FBF1: variants seen among roughly 807,000 people sequenced by gnomAD.
The protein encoded by FBF1 is Fas binding factor 1.
FBF1 carries 119 observed loss-of-function variants against 147.2 expected under a neutral mutation model. The ratio of observed to expected loss-of-function variants is 0.81; its 90% confidence interval spans 0.70 to 0.94. The LOEUF (loss-of-function observed/expected upper bound fraction) is 0.94, where lower values mean the gene tolerates loss of function less well. Among genes scored for constraint, FBF1 ranks in the 40% least tolerant of loss-of-function variants. The pLI is 0.00. For missense variants in FBF1, 1,449 were observed against 1,500.8 expected (o/e 0.97, Z 0.57); for synonymous variants, 601 against 609.0 (o/e 0.99, Z 0.19).
At position 75,915,058 on chromosome 17, in the gene FBF1, G is replaced by C. The variant is rs2065480290; in HGVS notation, c.2587C>G (p.Gln863Glu). ...ALEEQRKVTA[Q>E]QMAMERAELE... is the part of the protein sequence containing the mutation. The stretch of plus-strand genomic sequence containing the variant: ...TCCGCCCTTTCCATGGCCATCTGCT[G>C]GGCCGTGACCTTCCTTTGCTCCTCT... Residue 863 changes from glutamine (Q) to glutamate (E), a missense_variant, in exon 24 of 30, where the codon CAG (glutamine) becomes GAG (glutamate). Transcript: ENST00000636174. 1 of 1,613,424 alleles carries C rather than the reference G, an allele frequency of 6.2e-7. No homozygotes were observed. The highest frequency in any genetic ancestry group is 1.3e-5 in the African/African-American group (1 of 74,924).
At chr17:75,935,776 G>A in intron 3 of FBF1, 103 bp from the exon 4 acceptor site, 1 of 1,100,316 alleles carries the variant, frequency 9.1e-7, no homozygotes, top group Non-Finnish European at 1.3e-6. Context: ...CCTTTCAGAT[G>A]TTGGGACTTA....
At chr17:75,915,181 T>C (rs768611875) in intron 23 of FBF1, 42 bp from the exon 24 acceptor site, 2 of 1,581,830 alleles carry the variant, frequency 1.3e-6, no homozygotes, top group Non-Finnish European at 1.7e-6. Flanking sequence ...GTTCCCGCCC[T>C]GAGGATCACG....
At chr17:75,929,953 C>A in intron 7 of FBF1, 44 bp downstream of exon 7, 1 of 761,928 alleles carries the variant, frequency 1.3e-6, no homozygotes, top group South Asian at 1.5e-5. Flanking sequence ...TGACCCCACC[C>A]CACCCACCCC....
Position 75,937,069 on chromosome 17 carries a change from A to G in FBF1, c.31+497T>C, listed in dbSNP as rs186765170. Among the ~76,000 whole-genome samples, 240 of 152,282 alleles carry G rather than the reference A, an allele frequency of 1.6e-3. No individual in the cohort carries two copies. In the Middle Eastern group the frequency reaches 0.034, roughly 22 times the overall value. ...GGAGGAGGATTTTTTCCAAAACCTCATATCTTATTTACGTCTGAACTTCTC... is the reference window on the plus strand; with the variant it reads ...GGAGGAGGATTTTTTCCAAAACCTCGTATCTTATTTACGTCTGAACTTCTC... On this transcript the variant is annotated intron_variant, in intron 3 of 29. Transcript: ENST00000636174.
Position 75,926,341 on chromosome 17 carries a change from G to A in FBF1, c.681C>T (p.Ala227=), listed in dbSNP as rs2065561687. 1 of 1,613,080 alleles carries A rather than the reference G, an allele frequency of 6.2e-7. No individual in the cohort carries two copies. The highest frequency in any genetic ancestry group is 8.5e-7 in the Non-Finnish European group (1 of 1,179,564). Residue 227 remains alanine, a synonymous_variant, in exon 11 of 30, where the codon GCC becomes GCT. Coordinates refer to ENST00000636174, the MANE Select transcript of FBF1 (RefSeq NM_001319193.2). The part of the protein sequence containing the change: ...LLFDDGDDIM[A]TLGFGDSPKA... ...TGGGGCTGTCTCCAAACCCCAAGGTGGCCATGATGTCATCCCCATCATCAA... is the reference window on the plus strand; with the variant it reads ...TGGGGCTGTCTCCAAACCCCAAGGTAGCCATGATGTCATCCCCATCATCAA...
intron 6 of FBF1, 130 bp from the exon 7 acceptor site, chr17:75,930,177 A>T (rs1290862155): frequency 2.9e-6 from 2 of 688,206 alleles, no homozygotes; most frequent in Non-Finnish European, 5.1e-6. Flanking sequence ...TGGCCAATGG[A>T]GCTTACACAG....
chr17:75,931,360 G>C, intron 5 of FBF1, 71 bp from the exon 6 acceptor site: 1 of 1,387,190 alleles, frequency 7.2e-7, no homozygotes. Context: ...GGGAGGAGTA[G>C]CTTAGAAAGC....
In FBF1 at chr17:75,938,177, T is replaced by A; in HGVS notation, c.-28A>T. On this transcript the variant is annotated 5_prime_UTR_variant, in exon 2 of 30. Coordinates refer to ENST00000636174, the MANE Select transcript of FBF1 (RefSeq NM_001319193.2). ...CACGGCTCTCGGGGGTGCTCTCAGCTCCTTCACAGCACTGGCCAGCTCATC... is the reference window on the plus strand; with the variant it reads ...CACGGCTCTCGGGGGTGCTCTCAGCACCTTCACAGCACTGGCCAGCTCATC... 6.2e-7 allele frequency: 1 copy of A among 1,613,246 alleles called. No individual in the cohort carries two copies. The highest frequency in any genetic ancestry group is 8.5e-7 in the Non-Finnish European group (1 of 1,179,706).
chr17:75,929,952 C>A, intron 7 of FBF1, 45 bp downstream of exon 7: 2 of 661,166 alleles, frequency 3.0e-6, no homozygotes, highest in Middle Eastern at 3.3e-4. Flanking sequence ...ATGACCCCAC[C>A]CCACCCACCC....
chr17:75,917,496 C>T (rs975056391), intron 23 of FBF1, among the ~76,000 whole-genome samples: 2 of 143,590 alleles, frequency 1.4e-5, no homozygotes, highest in Non-Finnish European at 3.0e-5. Context: ...GAGGGGCTTG[C>T]GGTGCTGAGG....
chr17:75,917,873 T>C (rs997751290), intron 22 of FBF1, 23 bp from the exon 23 acceptor site: 3 of 1,521,358 alleles, frequency 2.0e-6, no homozygotes, highest in African/African-American at 2.0e-5. Context: ...CACAGGGTGC[T>C]CAGCAGCTGC....
At chr17:75,938,857 T>TC (rs1486956265) in intron 1 of FBF1, among the ~76,000 whole-genome samples, 7 of 136,992 alleles carry the variant, frequency 5.1e-5, no homozygotes, top group Non-Finnish European at 1.1e-4. Flanking sequence ...AGAGCAAGAC[T>TC]CCATCTCAAA....
At chr17:75,921,065 G>T (rs948711956) in intron 17 of FBF1, among the ~76,000 whole-genome samples, 179 bp downstream of exon 17, 3 of 152,226 alleles carry the variant, frequency 2.0e-5, no homozygotes, top group Admixed American at 6.5e-5. Context: ...CAGGAGCAGC[G>T]AGGCTAGAAA....
At chr17:75,932,381 A>G (rs949707074) in intron 5 of FBF1, among the ~76,000 whole-genome samples, 37 of 152,120 alleles carry the variant, frequency 2.4e-4, no homozygotes, top group Non-Finnish European at 4.7e-4. Context: ...TCTCAAAAAA[A>G]GAGAGAAAAT....
chr17:75,919,759 G>C lies in FBF1; in HGVS notation c.2047C>G (p.Arg683Gly), dbSNP rs368811864. ...LSQCQEAEQA[R>G]AELTAQHQRR... Reference sequence around the variant, plus strand: ...TGGTGCTGGGCCGTAAGCTCAGCACGGGCCTGTTCGGCCTCCTGGCACTGC... The same window carrying C: ...TGGTGCTGGGCCGTAAGCTCAGCACCGGCCTGTTCGGCCTCCTGGCACTGC... The change falls in exon 20 of 30, where the codon CGT (arginine) becomes GGT (glycine). Residue 683 changes from arginine to glycine, a missense_variant. Arg to Gly is a moderately radical substitution (Grantham distance 125). Coordinates refer to ENST00000636174, the MANE Select transcript of FBF1 (RefSeq NM_001319193.2). The surrounding 1 kb of genome is among the most constrained non-coding windows in gnomAD (Gnocchi z 5.0). The C allele has an allele frequency of 3.1e-6, 5 of 1,613,374 alleles. No homozygotes were observed. Among genetic ancestry groups the C allele is most frequent in the East Asian group, 2.2e-5 (1 of 44,890 alleles).
In FBF1 at chr17:75,915,045, A is replaced by C; in HGVS notation, c.2600T>G (p.Met867Arg). 1.9e-6 allele frequency: 3 copies of C among 1,613,488 alleles called. No homozygotes were observed. Among genetic ancestry groups the C allele is most frequent in the Non-Finnish European group, 1.7e-6 (2 of 1,179,852 alleles). The change falls in exon 24 of 30, where the codon ATG (methionine) becomes AGG (arginine). Residue 867 changes from methionine to arginine, a missense_variant. Physicochemically the swap from Met to Arg is moderately conservative, Grantham distance 91 (BLOSUM62 -1). Coordinates refer to ENST00000636174, the MANE Select transcript of FBF1 (RefSeq NM_001319193.2). Reference protein sequence around the residue: ...QRKVTAQQMAMERAELERAKS... With the variant: ...QRKVTAQQMARERAELERAKS... ...GGCCCGTTCCAGCTCCGCCCTTTCC[A>C]TGGCCATCTGCTGGGCCGTGACCTT...
chr17:75,919,814 C>G lies in FBF1; in HGVS notation c.1992G>C (p.Glu664Asp). The stretch of plus-strand genomic sequence containing the variant: ...GATACCGAGCTGACAGCTCTTCGTT[C>G]TCTCTCCGGAGCCGCTCCTCCCGTT... ...YQQREERLRR[E>D]NEELSARYLS... The change falls in exon 20 of 30, where the codon GAG (glutamate) becomes GAC (aspartate). Residue 664 changes from glutamate (E) to aspartate (D), a missense_variant. Physicochemically the swap from Glu to Asp is conservative, Grantham distance 45 (BLOSUM62 2). Transcript: ENST00000636174. This position sits in a 1 kb window ranked among gnomAD's most constrained non-coding sequence, Gnocchi z 5.0. 1 of 1,613,852 alleles carries G rather than the reference C, an allele frequency of 6.2e-7. No homozygotes were observed. Among genetic ancestry groups the G allele is most frequent in the South Asian group, 1.1e-5 (1 of 91,076 alleles).
intron 7 of FBF1, 33 bp downstream of exon 7, chr17:75,929,964 C>CCCCCCCCTCAAAA: frequency 1.4e-6 from 2 of 1,402,200 alleles, no homozygotes; most frequent in South Asian, 2.5e-5. Context: ...CACCCACCCC[C>CCCCCCCCTCAAAA]AGTTCTAAGA....
chr17:75,925,305 G>T lies in FBF1; in HGVS notation c.968+42C>A, dbSNP rs930797209. 3.3e-6 allele frequency: 5 copies of T among 1,534,516 alleles called. No individual in the cohort carries two copies. Among genetic ancestry groups the T allele is most frequent in the African/African-American group, 1.4e-5 (1 of 72,860 alleles). ...GCAGGGGCCTGTCTTCCCAGTGGCC[G>T]ACCTGTCTCAAGAGGCCAAGCCTCC... is the stretch of plus-strand genomic sequence containing the variant. On this transcript the variant is annotated intron_variant, in intron 13 of 29. Transcript: ENST00000636174. The surrounding 1 kb of genome is among the most constrained non-coding windows in gnomAD (Gnocchi z 5.0).
Sources: allele counts gnomAD v4.1 joint callset (sites outside exome capture counted in the v4.1 genomes callset), GRCh38; gene constraint gnomAD v4.1.1; non-coding constraint Gnocchi (gnomAD v3.1); transcripts MANE v1.5; gene names NCBI Gene and HGNC (gene_info 2026-07-23, HGNC 2026-07-21).